MACF1: variants seen among roughly 807,000 people sequenced by gnomAD.
MACF1 encodes the protein microtubule-actin cross-linking factor 1.
Under a neutral mutation model 854.8 loss-of-function variants are expected in MACF1, and 193 were observed. The ratio of observed to expected loss-of-function variants is 0.23; its 90% CI spans 0.20 to 0.25. MACF1 has a LOEUF of 0.25. MACF1 is among the 10% of genes least tolerant of loss of function. The pLI is 1.00. For missense variants in MACF1, 7,722 were observed against 8,929.1 expected, an observed-to-expected ratio of 0.86 and a Z score of 5.45; for synonymous variants, 3,185 against 3,226.7, an observed-to-expected ratio of 0.99 and a Z score of 0.44.
chr1:39,281,643 A>G (rs1199186986), intron 6 of MACF1, among the ~76,000 whole-genome samples: 2 of 152,150 alleles, frequency 1.3e-5, no homozygotes, highest in African/African-American at 4.8e-5. Context: ...GGCATGAGCC[A>G]CTGCACCTGG....
At chr1:39,147,676 G>A (rs1397102795) in intron 2 of MACF1, among the ~76,000 whole-genome samples, 1 of 152,022 alleles carries the variant, frequency 6.6e-6, no homozygotes. Flanking sequence ...ACACAACCAA[G>A]GCTGGTCTCG....
intron 58 of MACF1, among the ~76,000 whole-genome samples, chr1:39,420,627 C>A (rs1643497479): frequency 6.6e-6 from 1 of 152,156 alleles, no homozygotes; most frequent in South Asian, 2.1e-4. Context: ...CAGCCATAGA[C>A]CATTCTTTCT....
intron 1 of MACF1, among the ~76,000 whole-genome samples, chr1:39,218,071 T>C (rs1347006641): frequency 1.3e-5 from 2 of 149,732 alleles, no homozygotes; most frequent in African/African-American, 4.9e-5. Flanking sequence ...TAGTCCTAGC[T>C]ACTCGGGAGG....
At chr1:39,276,168 C>T (rs1244877921) in intron 6 of MACF1, among the ~76,000 whole-genome samples, 2 of 152,120 alleles carry the variant, frequency 1.3e-5, no homozygotes, top group Non-Finnish European at 2.9e-5. Context: ...GATCCTCTTG[C>T]CTATGCCTCC....
chr1:39,437,904 C>T lies in MACF1; in HGVS notation c.18116C>T (p.Thr6039Ile), dbSNP rs781578426. ...TGCATCAGTGACAATAAGAGTGCCA[C>T]CGTGGAGCTAGAAAAACTGCAGCCA... The part of the protein sequence containing the change: ...RECISDNKSA[T>I]VELEKLQPSF... The change falls in exon 71 of 101, where the codon ACC becomes ATC. Residue 6039 changes from threonine (T) to isoleucine (I), a missense_variant. Coordinates refer to ENST00000564288, the MANE Select transcript of MACF1 (RefSeq NM_001394062.1). 8 of 1,613,998 alleles carry T rather than the reference C, an allele frequency of 5.0e-6. No individual in the cohort carries two copies. The highest frequency in any genetic ancestry group is 5.1e-6 in the Non-Finnish European group (6 of 1,180,022).
rs148873124 is a variant in MACF1, at chr1:39,348,986, A to G, written c.10816-492A>G. Among the ~76,000 whole-genome samples, 27 of 152,320 alleles carry G rather than the reference A, an allele frequency of 1.8e-4. No homozygotes were observed. In the East Asian group the frequency reaches 4.8e-3, roughly 27 times the overall value. On this transcript the variant is annotated intron_variant, in intron 41 of 100. Coordinates refer to ENST00000564288, the MANE Select transcript of MACF1 (RefSeq NM_001394062.1). ...TCTGGATTGATGAGACATTTGATTT[A>G]TAAAGTCAGCTCAATTATTAAGAAG...
At position 39,448,037 on chromosome 1, in the gene MACF1, A is replaced by G. The variant is rs1644263599; in HGVS notation, c.19973A>G (p.His6658Arg). The change falls in exon 83 of 101, where the codon CAT (histidine) becomes CGT (arginine). Residue 6658 changes from histidine to arginine, a missense_variant. By Grantham distance (29) the His-to-Arg change is conservative. Transcript: ENST00000564288. Reference protein sequence around the residue: ...DDARKRAKQFHEAWKKLIDWL... With the variant: ...DDARKRAKQFREAWKKLIDWL... ...TTATTTCTTATGTAATTTTAGTTCC[A>G]TGAAGCTTGGAAAAAACTGATTGAC... is the stretch of plus-strand genomic sequence containing the variant. The G allele has an allele frequency of 1.8e-5, 29 of 1,614,086 alleles. No homozygotes were observed. The highest frequency in any genetic ancestry group is 2.5e-5 in the Non-Finnish European group (29 of 1,179,990).
At position 39,477,323 on chromosome 1, in the gene MACF1, C is replaced by T. The variant is rs541057499; in HGVS notation, c.21959-2475C>T. 3.3e-5 allele frequency among the ~76,000 whole-genome samples: 5 copies of T among 151,936 alleles called. No homozygotes were observed. In the East Asian group the frequency reaches 7.7e-4, roughly 23 times the overall value. On this transcript the variant is annotated intron_variant, in intron 97 of 100. Transcript: ENST00000564288. Reference sequence around the variant, plus strand: ...CACTGCAGCCTTGACTTCCCAGGCTCAAGCAATCCTCCCACCTCAGCCTCC... The same window carrying T: ...CACTGCAGCCTTGACTTCCCAGGCTTAAGCAATCCTCCCACCTCAGCCTCC...
chr1:39,410,366 C>T, intron 58 of MACF1: 1 of 1,613,956 alleles, frequency 6.2e-7, no homozygotes, highest in Non-Finnish European at 8.5e-7. Context: ...TGCTATGTTC[C>T]ACAACGGTCT....
At chr1:39,104,645 G>C (rs1471205449) in intron 2 of MACF1, among the ~76,000 whole-genome samples, 1 of 152,198 alleles carries the variant, frequency 6.6e-6, no homozygotes, top group South Asian at 2.1e-4. Context: ...GGTGCATTCA[G>C]AATCCCGTTT....
chr1:39,198,378 C>T (rs1295634538), intron 2 of MACF1, among the ~76,000 whole-genome samples: 1 of 151,248 alleles, frequency 6.6e-6, no homozygotes, highest in Admixed American at 6.6e-5. Flanking sequence ...GCGTGCCGGG[C>T]GCGGTGGCTC....
intron 2 of MACF1, among the ~76,000 whole-genome samples, chr1:39,169,408 C>T (rs1465092850): frequency 6.6e-6 from 1 of 152,050 alleles, no homozygotes; most frequent in Non-Finnish European, 1.5e-5. Context: ...CCAGGCTAGG[C>T]AACATAGGGA....
Position 39,393,189 on chromosome 1 carries a change from AAAAAAAAATAT to A in MACF1, c.15816+4533_15816+4543del, listed in dbSNP as rs1343976687. 2.3e-4 allele frequency among the ~76,000 whole-genome samples: 24 copies of A among 104,024 alleles called. 1 individual carries two copies. Among genetic ancestry groups the A allele is most frequent in the South Asian group, 5.2e-4 (2 of 3,832 alleles). The allele number at this position is 104,024 out of a possible 152,430, so 68.2% of individuals were successfully genotyped here. A position where few individuals can be genotyped will look rare whatever the true frequency, so the allele number is the denominator to read the frequency against. ...GACCTTCCTGGGAAGGGTAAAAAAA[AAAAAAAAATAT>A]ATATATATATATATATATATATATG... is the stretch of plus-strand genomic sequence containing the variant. On this transcript the variant is annotated intron_variant, in intron 58 of 100. Transcript: ENST00000564288.
chr1:39,223,028 A>C (rs1644672675), intron 1 of MACF1, among the ~76,000 whole-genome samples: 2 of 152,186 alleles, frequency 1.3e-5, no homozygotes, highest in African/African-American at 4.8e-5. Context: ...ACAAGTAAAC[A>C]GTGATACCAT....
chr1:39,158,934 C>A (rs1047604421), intron 2 of MACF1, among the ~76,000 whole-genome samples: 2 of 152,202 alleles, frequency 1.3e-5, no homozygotes, highest in African/African-American at 4.8e-5. Context: ...ATGGTGCCTA[C>A]TTTCAGCCAG....
chr1:39,348,181 T>A (rs1303879455), intron 41 of MACF1, among the ~76,000 whole-genome samples: 1 of 152,138 alleles, frequency 6.6e-6, no homozygotes, highest in African/African-American at 2.4e-5. Flanking sequence ...ATATTGAAAT[T>A]GAGATATATT....
At chr1:39,297,576 C>G (rs752784561) in intron 20 of MACF1, 44 bp from the exon 21 acceptor site, 1 of 1,611,864 alleles carries the variant, frequency 6.2e-7, no homozygotes, top group East Asian at 2.2e-5. Context: ...TTCCGGTGTT[C>G]TAATGTTTTG....
intron 2 of MACF1, among the ~76,000 whole-genome samples, chr1:39,120,564 A>G (rs917941258): frequency 6.6e-6 from 1 of 152,182 alleles, no homozygotes; most frequent in African/African-American, 2.4e-5. Flanking sequence ...GGGTTTCACC[A>G]TGTTGGCCAG....
At chr1:39,137,679 A>T (rs1557476547) in intron 2 of MACF1, among the ~76,000 whole-genome samples, 2 of 152,014 alleles carry the variant, frequency 1.3e-5, no homozygotes, top group South Asian at 2.1e-4. Context: ...TTTATTTTTT[A>T]TTTTTTTACC....
Sources: allele counts gnomAD v4.1 joint callset (sites outside exome capture counted in the v4.1 genomes callset), GRCh38; gene constraint gnomAD v4.1.1; transcripts MANE v1.5; gene names NCBI Gene and HGNC (gene_info 2026-07-23, HGNC 2026-07-21).